EEF1B2: variants seen among roughly 807,000 people sequenced by gnomAD.
EEF1B2 encodes the protein elongation factor 1-beta.
A neutral mutation model predicts 28.3 loss-of-function variants in EEF1B2; 12 were observed. That is an observed-to-expected ratio of 0.42 (90% confidence interval 0.27 to 0.69). The LOEUF (loss-of-function observed/expected upper bound fraction) is 0.69. EEF1B2 is among the 30% of genes least tolerant of loss of function. EEF1B2 has a pLI of 0.22. For missense variants in EEF1B2, 234 were observed against 272.6 expected, an observed-to-expected ratio of 0.86 and a Z score of 1.00; for synonymous variants, 83 against 99.9, an observed-to-expected ratio of 0.83 and a Z score of 1.01.
At chr2:206,159,821 T>A (rs1687843667), upstream of EEF1B2, 1 of 738,554 alleles carries the variant, frequency 1.4e-6, no homozygotes, top group African/African-American at 1.8e-5. Flanking sequence ...TACTTTGACC[T>A]TTAACCTTCG....
chr2:206,162,458 T>C, intron 4 of EEF1B2, 31 bp from the exon 5 acceptor site: 1 of 1,610,088 alleles, frequency 6.2e-7, no homozygotes, highest in Non-Finnish European at 8.5e-7. Flanking sequence ...ATACAATTCA[T>C]TATTTGAATA....
At chr2:206,160,335 T>C (rs953385486) in intron 1 of EEF1B2, among the ~76,000 whole-genome samples, 7 of 152,176 alleles carry the variant, frequency 4.6e-5, no homozygotes, top group Non-Finnish European at 7.4e-5. Flanking sequence ...AGTTAATACA[T>C]GTTAAGCTGT....
chr2:206,159,947 G>C lies in EEF1B2; in HGVS notation c.-33G>C, dbSNP rs200533298. The C allele has an allele frequency of 1.1e-4, 180 of 1,605,460 alleles. No homozygotes were observed. Among genetic ancestry groups the C allele is most frequent in the Non-Finnish European group, 1.4e-4 (168 of 1,177,256 alleles). ...CCCACAATTTGCGCGCTCTCTTTCT[G>C]CTGCTCCCCAGCTCTCGGATACAGC... On this transcript the variant is annotated 5_prime_UTR_variant, in exon 1 of 6. Coordinates refer to ENST00000392222, the MANE Select transcript of EEF1B2 (RefSeq NM_001959.4).
chr2:206,160,209 C>T, intron 1 of EEF1B2, 150 bp downstream of exon 1: 1 of 1,080,802 alleles, frequency 9.3e-7, no homozygotes, highest in Non-Finnish European at 1.3e-6. Context: ...GTTGCCGTCT[C>T]CCAAGGCCCT....
In EEF1B2 at chr2:206,160,527, T is replaced by G. The variant is rs112361249; in HGVS notation, c.81-61T>G. 6.0e-4 allele frequency: 963 copies of G among 1,612,306 alleles called. 9 individuals carry two copies. The African/African-American group carries it at 0.012, about 19-fold the overall frequency. On this transcript the variant is annotated intron_variant, in intron 1 of 5. Transcript: ENST00000392222. ...TTAATGTGATGCATACGGTATTTATTATTTATTCGCTGGCGTTTGTTTTTC... is the reference window on the plus strand; with the variant it reads ...TTAATGTGATGCATACGGTATTTATGATTTATTCGCTGGCGTTTGTTTTTC...
intron 5 of EEF1B2, 46 bp from the exon 6 acceptor site, chr2:206,162,683 C>CT (rs35430253): frequency 0.45 from 718,497 of 1,607,688 alleles, 166,723 homozygotes; most frequent in African/African-American, 0.74. Flanking sequence ...TTCAACCTTT[C>CT]CTACAAGACT....
upstream of EEF1B2, chr2:206,159,885 C>CT (rs762695517): frequency 7.0e-7 from 1 of 1,426,818 alleles, no homozygotes; most frequent in African/African-American, 1.5e-5. Flanking sequence ...ATTTTCCGGT[C>CT]TCTTCGGGTC....
At chr2:206,162,456 CATT>C in intron 4 of EEF1B2, 30 bp from the exon 5 acceptor site, 3 of 1,609,564 alleles carry the variant, frequency 1.9e-6, no homozygotes, top group African/African-American at 1.3e-5. Flanking sequence ...AAATACAATT[CATT>C]ATTTGAATAA....
At chr2:206,161,256 A>G in intron 2 of EEF1B2, 90 bp from the exon 3 acceptor site, 2 of 1,559,258 alleles carry the variant, frequency 1.3e-6, no homozygotes, top group Non-Finnish European at 1.7e-6. Flanking sequence ...GGATCTAGTG[A>G]TAAGTAGTGA....
At chr2:206,160,514 A>T (rs764670247) in intron 1 of EEF1B2, 74 bp from the exon 2 acceptor site, 1 of 1,609,764 alleles carries the variant, frequency 6.2e-7, no homozygotes, top group South Asian at 1.1e-5. Context: ...AATGTGATGC[A>T]TACGGTATTT....
intron 2 of EEF1B2, 200 bp downstream of exon 2, chr2:206,160,910 C>G (rs1365505179): frequency 1.2e-6 from 1 of 854,160 alleles, no homozygotes; most frequent in Non-Finnish European, 1.9e-6. Context: ...AGCAGCAATT[C>G]AACTTTTCCC....
Position 206,160,018 on chromosome 2 carries a change from G to C in EEF1B2, c.39G>C (p.Gln13His). 1 of 1,613,358 alleles carries C rather than the reference G, an allele frequency of 6.2e-7. No individual in the cohort carries two copies. Among genetic ancestry groups the C allele is most frequent in the Non-Finnish European group, 8.5e-7 (1 of 1,179,766 alleles). Residue 13 changes from glutamine to histidine, a missense_variant, in exon 1 of 6, where the codon CAG becomes CAC. Transcript: ENST00000392222. ...FGDLKSPAGL[Q>H]VLNDYLADKS... ...ACCTGAAAAGCCCTGCCGGCCTCCAGGTGCTCAACGATTACCTGGCGGACA... is the reference window on the plus strand; with the variant it reads ...ACCTGAAAAGCCCTGCCGGCCTCCACGTGCTCAACGATTACCTGGCGGACA...
At chr2:206,160,852 A>G (rs1206053840) in intron 2 of EEF1B2, 142 bp downstream of exon 2, 3 of 1,249,624 alleles carry the variant, frequency 2.4e-6, no homozygotes, top group East Asian at 5.0e-5. Context: ...TTAGAAGGCC[A>G]AGAGACTGAA....
At position 206,162,602 on chromosome 2, in the gene EEF1B2, G is replaced by C. The variant is rs1277435377; in HGVS notation, c.511G>C (p.Val171Leu). Residue 171 changes from valine to leucine, a missense_variant, in exon 5 of 6, where the codon GTC (valine) becomes CTC (leucine). Val to Leu is a conservative substitution (Grantham distance 32, BLOSUM62 1). This residue lies in a region of EEF1B2 where 56 missense variants were observed against 99.3 expected (regional missense o/e 0.56). Coordinates refer to ENST00000392222, the MANE Select transcript of EEF1B2 (RefSeq NM_001959.4). The stretch of plus-strand genomic sequence containing the variant: ...CAGAAGCATTCAAGCAGACGGCTTA[G>C]TCTGGGGCTCATGTGAGTTTAGGCT... ...CVRSIQADGL[V>L]WGSSKLVPVG... 7 of 1,611,522 alleles carry C rather than the reference G, an allele frequency of 4.3e-6. No homozygotes were observed. The highest frequency in any genetic ancestry group is 5.9e-6 in the Non-Finnish European group (7 of 1,179,530).
intron 4 of EEF1B2, 38 bp downstream of exon 4, chr2:206,162,142 T>A: frequency 6.3e-7 from 1 of 1,580,344 alleles, no homozygotes; most frequent in Non-Finnish European, 8.7e-7. Flanking sequence ...CATGTTAATG[T>A]AAGTAATCTT....
Position 206,160,936 on chromosome 2 carries a change from A to G in EEF1B2, c.203+226A>G, listed in dbSNP as rs141966094. On this transcript the variant is annotated intron_variant, in intron 2 of 5. Coordinates refer to ENST00000392222, the MANE Select transcript of EEF1B2 (RefSeq NM_001959.4). Reference sequence around the variant, plus strand: ...AACTTTTCCCCACACTGCCCTGCCAATGTGCCTCGACCTTGACCTGGGGGG... The same window carrying G: ...AACTTTTCCCCACACTGCCCTGCCAGTGTGCCTCGACCTTGACCTGGGGGG... 7,528 of 755,440 alleles carry G rather than the reference A, an allele frequency of 1.0e-2. 59 individuals are homozygous for G. Among genetic ancestry groups the G allele is most frequent in the Non-Finnish European group, 0.011 (4,961 of 440,166 alleles). 46.8% of individuals were successfully genotyped at this position (755,440 alleles called of 1,614,324 possible). A position where few individuals can be genotyped will look rare whatever the true frequency, so the allele number is the denominator to read the frequency against.
At chr2:206,160,941 C>A in intron 2 of EEF1B2, 1 of 747,066 alleles carries the variant, frequency 1.3e-6, no homozygotes, top group Non-Finnish European at 2.3e-6. Context: ...TGCCAATGTG[C>A]CTCGACCTTG....
chr2:206,161,783 A>AT, intron 3 of EEF1B2: 1 of 623,718 alleles, frequency 1.6e-6, no homozygotes, highest in East Asian at 2.9e-5. Context: ...AAAAAAAAAA[A>AT]GAATACATCG....
At chr2:206,162,296 T>C in intron 4 of EEF1B2, 192 bp downstream of exon 4, 1 of 1,133,912 alleles carries the variant, frequency 8.8e-7, no homozygotes, top group Non-Finnish European at 1.3e-6. Flanking sequence ...GGAAAGAAAC[T>C]GTTAACACAA....
Sources: allele counts gnomAD v4.1 joint callset (sites outside exome capture counted in the v4.1 genomes callset), GRCh38; gene constraint gnomAD v4.1.1; regional missense constraint gnomAD v4.1.1; transcripts MANE v1.5; gene names NCBI Gene and HGNC (gene_info 2026-07-23, HGNC 2026-07-21).